The following ZC3H12B variants were observed in gnomAD, a reference collection of about 807,000 sequenced individuals.
The protein encoded by ZC3H12B is probable ribonuclease ZC3H12B.
ZC3H12B carries 7 observed loss-of-function variants against 43.9 expected under a neutral mutation model. That is an observed-to-expected ratio of 0.16 (90% CI 0.09 to 0.30). The LOEUF is 0.30. Ranked by LOEUF, ZC3H12B falls within the 10% of genes least tolerant of loss-of-function variation. The pLI, the probability that ZC3H12B is intolerant of heterozygous loss-of-function variation, is 1.00. For synonymous variants in ZC3H12B, 222 were observed against 241.7 expected, an observed-to-expected ratio of 0.92 and a Z score of 0.76; for missense variants, 475 against 670.2, an observed-to-expected ratio of 0.71 and a Z score of 3.22.
At position 65,502,709 on chromosome X, in the gene ZC3H12B, C is replaced by T. The variant is rs769595611; in HGVS notation, c.2011C>T (p.Arg671Cys). ...TGCCCAGCACCCATCAACTGGAACA[C>T]GTTCCAGCTGTCCTGCAGACTACCC... The change falls in exon 5 of 5, where the codon CGT (arginine) becomes TGT (cysteine). Residue 671 changes from arginine to cysteine, a missense_variant. Physicochemically the swap from Arg to Cys is radical, Grantham distance 180. This residue lies in a region of ZC3H12B where 289 missense variants were observed against 359.9 expected (regional missense o/e 0.80). Transcript: ENST00000338957. 2.5e-5 allele frequency: 30 copies of T among 1,208,109 alleles called. No homozygotes were observed. Among genetic ancestry groups the T allele is most frequent in the Non-Finnish European group, 3.0e-5 (27 of 894,465 alleles).
the ZC3H12B span, among the ~76,000 whole-genome samples, chrX:65,346,944 G>T: frequency 8.9e-6 from 1 of 112,270 alleles, no homozygotes; most frequent in Non-Finnish European, 1.9e-5. Flanking sequence ...CACAGCTTTT[G>T]AGCTCTGCTA....
intron 3 of ZC3H12B, among the ~76,000 whole-genome samples, chrX:65,456,290 A>T (rs1300153909): frequency 9.0e-6 from 1 of 111,052 alleles, no homozygotes; most frequent in Non-Finnish European, 1.9e-5. Context: ...AAGATCTACC[A>T]AGCAAATGGA....
the ZC3H12B span, among the ~76,000 whole-genome samples, chrX:65,059,843 T>C: frequency 8.9e-6 from 1 of 112,094 alleles, no homozygotes; most frequent in African/African-American, 3.2e-5. Flanking sequence ...TTGATTCTTC[T>C]GATCTATAAG....
chrX:65,296,350 G>A, the ZC3H12B span, among the ~76,000 whole-genome samples: 1 of 110,884 alleles, frequency 9.0e-6, no homozygotes, highest in Admixed American at 9.7e-5. Flanking sequence ...TGGGGACTCG[G>A]GGAAAGGGCA....
chrX:65,323,003 T>C, the ZC3H12B span, among the ~76,000 whole-genome samples: 1 of 112,054 alleles, frequency 8.9e-6, no homozygotes, highest in Non-Finnish European at 1.9e-5. Context: ...ATAAAGTTCA[T>C]TTTTGGTACA....
chrX:65,291,262 T>C, the ZC3H12B span, among the ~76,000 whole-genome samples: 2 of 111,266 alleles, frequency 1.8e-5, no homozygotes, highest in Non-Finnish European at 3.8e-5. Context: ...AAAATAGAAA[T>C]ATTAAGAAAT....
the ZC3H12B span, among the ~76,000 whole-genome samples, chrX:65,199,083 G>C: frequency 9.2e-6 from 1 of 108,493 alleles, no homozygotes; most frequent in African/African-American, 3.3e-5. Context: ...GCCCACGTTG[G>C]CCCCCCAAAG....
the ZC3H12B span, among the ~76,000 whole-genome samples, chrX:65,337,299 C>T: frequency 9.0e-6 from 1 of 111,657 alleles, no homozygotes; most frequent in African/African-American, 3.3e-5. Context: ...CAATCTAGAC[C>T]CCATGAGAGA....
the ZC3H12B span, among the ~76,000 whole-genome samples, chrX:65,248,172 G>C: frequency 1.8e-5 from 2 of 110,296 alleles, no homozygotes; most frequent in Non-Finnish European, 3.8e-5. Context: ...GAGTAGCTGA[G>C]ACCACAGGAC....
chrX:65,267,552 G>A, the ZC3H12B span, among the ~76,000 whole-genome samples: 12 of 110,468 alleles, frequency 1.1e-4, no homozygotes, highest in South Asian at 1.5e-3. Flanking sequence ...GGACTCATTC[G>A]AAAAAAAATT....
the ZC3H12B span, among the ~76,000 whole-genome samples, chrX:65,042,566 A>G: frequency 4.4e-5 from 5 of 112,387 alleles, no homozygotes; most frequent in South Asian, 1.8e-3. Flanking sequence ...TGAATTTTCT[A>G]ATTACTAAGG....
chrX:65,354,499 G>C, the ZC3H12B span, among the ~76,000 whole-genome samples: 14 of 112,053 alleles, frequency 1.2e-4, no homozygotes, highest in East Asian at 2.8e-4. Flanking sequence ...CCATGAAAAT[G>C]AGGAAAAACC....
chrX:65,231,883 C>A, the ZC3H12B span, among the ~76,000 whole-genome samples: 9 of 111,446 alleles, frequency 8.1e-5, no homozygotes, highest in Non-Finnish European at 1.7e-4. Flanking sequence ...GCAATCATCA[C>A]AGGGTCGTAA....
chrX:65,254,556 C>T, the ZC3H12B span, among the ~76,000 whole-genome samples: 2 of 111,967 alleles, frequency 1.8e-5, no homozygotes, highest in Admixed American at 9.5e-5. Context: ...AAAGGAAAAA[C>T]ACATTCAAAA....
At chrX:65,052,143 G>A in the ZC3H12B span, among the ~76,000 whole-genome samples, 9,068 of 110,460 alleles carry the variant, frequency 0.082, 1,022 homozygotes, top group African/African-American at 0.29. Flanking sequence ...CAAAGTTCAT[G>A]GCCCCACCAT....
At chrX:65,233,766 A>T in the ZC3H12B span, among the ~76,000 whole-genome samples, 1 of 111,186 alleles carries the variant, frequency 9.0e-6, no homozygotes, top group African/African-American at 3.3e-5. Context: ...GGAAATTGAG[A>T]CAAAAAATAG....
the ZC3H12B span, among the ~76,000 whole-genome samples, chrX:65,264,263 G>T: frequency 9.0e-6 from 1 of 111,439 alleles, no homozygotes; most frequent in Non-Finnish European, 1.9e-5. Context: ...CCGCTATACA[G>T]TTCATCCATG....
chrX:65,185,019 T>G, the ZC3H12B span: 1 of 111,777 alleles, frequency 8.9e-6, no homozygotes, highest in Admixed American at 9.6e-5. Context: ...TCTCAGGTTT[T>G]GAAGACCTTC....
chrX:65,203,779 C>A, the ZC3H12B span, among the ~76,000 whole-genome samples: 1 of 111,789 alleles, frequency 8.9e-6, no homozygotes, highest in Non-Finnish European at 1.9e-5. Flanking sequence ...TGCGCTGGCA[C>A]TAAGCCCAGC....
Sources: allele counts gnomAD v4.1 joint callset (sites outside exome capture counted in the v4.1 genomes callset), GRCh38; gene constraint gnomAD v4.1.1; regional missense constraint gnomAD v4.1.1; transcripts MANE v1.5; gene names NCBI Gene and HGNC (gene_info 2026-07-23, HGNC 2026-07-21).